The following CEMIP2 variants were observed in gnomAD, a reference collection of about 807,000 sequenced individuals.
The protein encoded by CEMIP2 is cell surface hyaluronidase CEMIP2.
In CEMIP2, 79 loss-of-function variants were observed where a neutral mutation model predicts 146.9. That is an observed-to-expected ratio of 0.54 (90% CI 0.45 to 0.65). The LOEUF (loss-of-function observed/expected upper bound fraction) is 0.65. CEMIP2 is among the 30% of genes least tolerant of loss of function. The pLI is 0.00. For missense variants in CEMIP2, 1,596 were observed against 1,696.2 expected (o/e 0.94, Z 1.04); for synonymous variants, 601 against 606.3 (o/e 0.99, Z 0.13).
chr9:71,741,938 A>G (rs1823933974), intron 4 of CEMIP2, among the ~76,000 whole-genome samples: 1 of 151,822 alleles, frequency 6.6e-6, no homozygotes, highest in Non-Finnish European at 1.5e-5. Flanking sequence ...GAGCCACCAC[A>G]CCCGGCCTAA....
intron 12 of CEMIP2, among the ~76,000 whole-genome samples, chr9:71,721,718 GTCAA>G (rs1823237973): frequency 6.6e-6 from 1 of 152,136 alleles, no homozygotes; most frequent in Non-Finnish European, 1.5e-5. Context: ...CCATAAACTG[GTCAA>G]TCAATTTGAA....
chr9:71,730,362 G>A, intron 8 of CEMIP2, 109 bp from the exon 9 acceptor site: 1 of 1,115,132 alleles, frequency 9.0e-7, no homozygotes, highest in African/African-American at 1.6e-5. Flanking sequence ...AAACAGGTTT[G>A]AACCTTAGCA....
At chr9:71,685,708 C>T in intron 23 of CEMIP2, 35 bp downstream of exon 23, 3 of 1,553,290 alleles carry the variant, frequency 1.9e-6, no homozygotes, top group Non-Finnish European at 2.7e-6. Flanking sequence ...GTTGCTGGCC[C>T]TGTAAGAACT....
intron 17 of CEMIP2, among the ~76,000 whole-genome samples, chr9:71,705,817 GTA>G (rs369531126): frequency 2.7e-5 from 4 of 150,230 alleles, no homozygotes; most frequent in African/African-American, 4.9e-5. Flanking sequence ...ATGTGTGTGT[GTA>G]TATATATATA....
At chr9:71,744,156 C>A (rs1166081721) in intron 4 of CEMIP2, among the ~76,000 whole-genome samples, 2 of 152,068 alleles carry the variant, frequency 1.3e-5, no homozygotes, top group Non-Finnish European at 2.9e-5. Context: ...AGGAGGATCA[C>A]TTGAGCACAG....
At chr9:71,759,541 C>T (rs1285823536) in intron 1 of CEMIP2, among the ~76,000 whole-genome samples, 1 of 152,050 alleles carries the variant, frequency 6.6e-6, no homozygotes, top group African/African-American at 2.4e-5. Context: ...CCTGAGGTTC[C>T]AGGGAGAATG....
intron 22 of CEMIP2, 118 bp from the exon 23 acceptor site, chr9:71,685,964 C>T: frequency 1.4e-6 from 1 of 719,892 alleles, no homozygotes; most frequent in South Asian, 1.9e-5. Context: ...AGCAGAACTC[C>T]AAAAAGAAAA....
chr9:71,706,622 T>C lies in CEMIP2; in HGVS notation c.2986-1819A>G, dbSNP rs942564497. On this transcript the variant is annotated intron_variant, in intron 17 of 23. Transcript: ENST00000377044. ...AAATATGTCACATTGGTAGTTGCAA[T>C]GGTAATTTATAAAAGAGCTACCATA... is the stretch of plus-strand genomic sequence containing the variant. 7.2e-5 allele frequency among the ~76,000 whole-genome samples: 11 copies of C among 152,298 alleles called. 1 individual carries two copies. Among genetic ancestry groups the C allele is most frequent in the East Asian group, 3.9e-4 (2 of 5,180 alleles).
At chr9:71,749,271 G>A (rs1824177249) in intron 2 of CEMIP2, among the ~76,000 whole-genome samples, 1 of 151,930 alleles carries the variant, frequency 6.6e-6, no homozygotes, top group African/African-American at 2.4e-5. Context: ...GATATATATT[G>A]TTACTCAAAA....
At chr9:71,728,229 C>CTATATATATATATA (rs1416528754) in intron 10 of CEMIP2, among the ~76,000 whole-genome samples, 1 of 17,162 alleles carries the variant, frequency 5.8e-5, no homozygotes, top group African/African-American at 1.7e-4. Flanking sequence ...CTCTCTCTCT[C>CTATATATATATATA]TCTATATATA....
At chr9:71,708,292 A>G (rs1025809957) in intron 17 of CEMIP2, among the ~76,000 whole-genome samples, 5 of 152,340 alleles carry the variant, frequency 3.3e-5, no homozygotes, top group African/African-American at 1.2e-4. Flanking sequence ...TGGTACCTCC[A>G]TTCTGCAATC....
chr9:71,704,552 A>ACT, intron 18 of CEMIP2, 43 bp downstream of exon 18: 2 of 1,602,500 alleles, frequency 1.2e-6, no homozygotes, highest in South Asian at 2.2e-5. Flanking sequence ...CCACTAAATT[A>ACT]CTACTTGCTC....
intron 18 of CEMIP2, among the ~76,000 whole-genome samples, chr9:71,702,411 G>A (rs1822595764): frequency 6.6e-6 from 1 of 150,850 alleles, no homozygotes; most frequent in Non-Finnish European, 1.5e-5. Context: ...GGGCGGGCAG[G>A]AGAAACAACC....
At chr9:71,697,856 A>G (rs1822444660) in intron 20 of CEMIP2, 129 bp downstream of exon 20, 5 of 966,940 alleles carry the variant, frequency 5.2e-6, no homozygotes, top group Admixed American at 3.0e-5. Context: ...GCATGGGCCA[A>G]AATTCAGGAG....
rs144759489 is a variant in CEMIP2, at chr9:71,725,046, T to G, written c.2178+535A>C. ...TGCACATACCTGTATGCGCAATAGG[T>G]ATGTATAAATGGAATGCTCTCTATA... is the stretch of plus-strand genomic sequence containing the variant. On this transcript the variant is annotated intron_variant, in intron 11 of 23. Transcript: ENST00000377044. 1.1e-3 allele frequency among the ~76,000 whole-genome samples: 161 copies of G among 152,230 alleles called. 1 individual carries two copies. Among genetic ancestry groups the G allele is most frequent in the African/African-American group, 3.5e-3 (147 of 41,518 alleles).
At chr9:71,732,612 C>T in intron 6 of CEMIP2, 92 bp from the exon 7 acceptor site, 1 of 1,201,956 alleles carries the variant, frequency 8.3e-7, no homozygotes, top group Non-Finnish European at 1.1e-6. Context: ...TCCATAACCC[C>T]AAGATGATCC....
chr9:71,687,226 C>G (rs1428726791), intron 22 of CEMIP2: 2 of 152,120 alleles, frequency 1.3e-5, no homozygotes, highest in East Asian at 1.9e-4. Flanking sequence ...AGAAAAGTAC[C>G]TTTTGGGACA....
intron 10 of CEMIP2, 79 bp downstream of exon 10, chr9:71,729,766 A>T (rs193282420): frequency 7.1e-7 from 1 of 1,401,116 alleles, no homozygotes; most frequent in Non-Finnish European, 1.0e-6. Context: ...GGCACACATG[A>T]CATTAAATCC....
At chr9:71,703,826 A>T (rs1320717785) in intron 18 of CEMIP2, among the ~76,000 whole-genome samples, 1 of 152,176 alleles carries the variant, frequency 6.6e-6, no homozygotes, top group Non-Finnish European at 1.5e-5. Context: ...ATATAACAAG[A>T]CAGATTGCTT....
Sources: gnomAD v4.1 joint callset for allele counts (sites outside exome capture counted in the v4.1 genomes callset) on GRCh38, gnomAD v4.1.1 for gene constraint, MANE v1.5 for transcripts, NCBI Gene and HGNC (gene_info 2026-07-23, HGNC 2026-07-21) for gene names.